ESRRG: variants seen among roughly 807,000 people sequenced by gnomAD.
ESRRG encodes the protein estrogen related receptor gamma.
ESRRG carries 13 observed loss-of-function variants against 44.0 expected under a neutral mutation model. The ratio of observed to expected loss-of-function variants is 0.30; its 90% CI spans 0.19 to 0.47. The LOEUF is 0.47. ESRRG is among the 20% of genes least tolerant of loss of function. The pLI is 1.00. For synonymous variants in ESRRG, 215 were observed against 214.6 expected (o/e 1.00, Z -0.02); for missense variants, 395 against 580.6 (o/e 0.68, Z 3.29).
At chr1:217,090,544 G>A (rs950541175), upstream of ESRRG, 1 of 152,192 alleles carries the variant, frequency 6.6e-6, no homozygotes, top group African/African-American at 2.4e-5. Flanking sequence ...CATTCCCGGT[G>A]TGTAGGCCTC....
At chr1:216,710,880 G>A (rs914490489) in intron 1 of ESRRG, among the ~76,000 whole-genome samples, 1 of 152,136 alleles carries the variant, frequency 6.6e-6, no homozygotes, top group Non-Finnish European at 1.5e-5. Context: ...CCACAGACAG[G>A]GGGGAAATGC....
rs114591430 is a variant in ESRRG at position 216,787,160 on chromosome 1, C to T, written c.-13-109669G>A. 2.1e-3 allele frequency among the ~76,000 whole-genome samples: 320 copies of T among 152,204 alleles called. 1 individual carries two copies. The highest frequency in any genetic ancestry group is 7.1e-3 in the African/African-American group (294 of 41,524). On this transcript the variant is annotated intron_variant, in intron 2 of 7. Coordinates refer to the ESRRG transcript ENST00000359162. The stretch of plus-strand genomic sequence containing the variant: ...CTGTTGTAATTGTTTTGGGGCACCA[C>T]GACCTGTGCCCATACAAGCCAGGAA...
chr1:216,527,056 T>C (rs987498730), intron 5 of ESRRG, among the ~76,000 whole-genome samples: 4 of 152,186 alleles, frequency 2.6e-5, no homozygotes, highest in African/African-American at 9.6e-5. Context: ...TTCAGTACCA[T>C]TGGAATATGC....
intron 1 of ESRRG, among the ~76,000 whole-genome samples, chr1:217,014,248 TGACA>T (rs1307273373): frequency 2.0e-5 from 3 of 152,138 alleles, no homozygotes; most frequent in Non-Finnish European, 4.4e-5. Context: ...GGGTGTTGAC[TGACA>T]GACAGGTTGC....
intron 2 of ESRRG, among the ~76,000 whole-genome samples, chr1:216,781,454 C>G (rs951588889): frequency 6.6e-6 from 1 of 152,008 alleles, no homozygotes; most frequent in African/African-American, 2.4e-5. Flanking sequence ...TTCTCAACAT[C>G]CAACAATGGA....
intron 3 of ESRRG, among the ~76,000 whole-genome samples, chr1:216,582,413 A>G (rs1404060557): frequency 6.6e-6 from 1 of 152,126 alleles, no homozygotes. Flanking sequence ...TCTTTTTGCC[A>G]AGTGAAATCT....
intron 3 of ESRRG, among the ~76,000 whole-genome samples, chr1:216,584,819 A>G (rs971676231): frequency 6.6e-6 from 1 of 152,186 alleles, no homozygotes; most frequent in South Asian, 2.1e-4. Context: ...AATTCCCTAT[A>G]TTTTCCTCCC....
chr1:216,890,940 C>T (rs538805239), intron 2 of ESRRG, among the ~76,000 whole-genome samples: 7 of 152,168 alleles, frequency 4.6e-5, no homozygotes, highest in Admixed American at 2.0e-4. Flanking sequence ...CCTGAACCTT[C>T]GAGTAATAAC....
intron 3 of ESRRG, among the ~76,000 whole-genome samples, chr1:216,618,149 AT>A (rs2061675554): frequency 6.6e-6 from 1 of 152,252 alleles, no homozygotes; most frequent in Non-Finnish European, 1.5e-5. Context: ...CAAATGCCCT[AT>A]TTACATATTT....
intron 1 of ESRRG, among the ~76,000 whole-genome samples, chr1:216,976,590 A>C (rs1236836484): frequency 6.6e-6 from 1 of 152,060 alleles, no homozygotes; most frequent in African/African-American, 2.4e-5. Context: ...AATGCTAAAC[A>C]CCTCTTAATT....
chr1:216,952,798 C>T (rs1318655022), intron 1 of ESRRG, among the ~76,000 whole-genome samples: 3 of 152,130 alleles, frequency 2.0e-5, no homozygotes, highest in Non-Finnish European at 4.4e-5. Context: ...ACATTTCCAA[C>T]TGAGCCCCCA....
At chr1:216,961,523 A>G (rs1436887) in intron 1 of ESRRG, among the ~76,000 whole-genome samples, 77,490 of 150,408 alleles carry the variant, frequency 0.52, 21,642 homozygotes, top group Middle Eastern at 0.7. Flanking sequence ...ATATTCCTAC[A>G]TTCCCTGACA....
intron 5 of ESRRG, among the ~76,000 whole-genome samples, chr1:216,550,942 A>G (rs892972267): frequency 1.3e-5 from 2 of 152,148 alleles, no homozygotes; most frequent in Non-Finnish European, 2.9e-5. Context: ...TCCACAGACT[A>G]TGGCTGATAA....
intron 2 of ESRRG, among the ~76,000 whole-genome samples, chr1:216,904,517 T>C (rs2059471322): frequency 6.6e-6 from 1 of 152,190 alleles, no homozygotes; most frequent in South Asian, 2.1e-4. Context: ...CCAAAGATAC[T>C]ATTTTTCCCC....
intron 3 of ESRRG, among the ~76,000 whole-genome samples, chr1:216,575,828 G>A (rs183720426): frequency 6.6e-6 from 1 of 152,206 alleles, no homozygotes; most frequent in Admixed American, 6.5e-5. Context: ...CCTGCATCAT[G>A]ATATGGGGCA....
At chr1:217,112,279 A>G (rs941047922) in intron 1 of ESRRG, among the ~76,000 whole-genome samples, 14 of 152,176 alleles carry the variant, frequency 9.2e-5, no homozygotes, top group African/African-American at 3.4e-4. Flanking sequence ...TTGTTATCAG[A>G]AAGGGATTCT....
intron 1 of ESRRG, among the ~76,000 whole-genome samples, chr1:217,040,250 A>G (rs1661329880): frequency 6.6e-6 from 1 of 152,164 alleles, no homozygotes; most frequent in Admixed American, 6.5e-5. Context: ...TGGACTGGTC[A>G]TGGAAGAAAA....
chr1:216,815,456 G>A lies in ESRRG; in HGVS notation c.-14+124126C>T, dbSNP rs796906171. On this transcript the variant is annotated intron_variant, in intron 2 of 7. Coordinates refer to the ESRRG transcript ENST00000359162. ...TAAATTGTTGGTTTGGCATTATCTG[G>A]AAGGGCTTTGTGGAGTGGGATATGC... 2.9e-4 allele frequency among the ~76,000 whole-genome samples: 44 copies of A among 152,322 alleles called. 1 individual carries two copies. Among genetic ancestry groups the A allele is most frequent in the African/African-American group, 1.0e-3 (42 of 41,580 alleles).
intron 2 of ESRRG, among the ~76,000 whole-genome samples, chr1:216,778,191 T>C (rs185643654): frequency 6.6e-6 from 1 of 152,014 alleles, no homozygotes; most frequent in Non-Finnish European, 1.5e-5. Context: ...TCCTAAGAAC[T>C]GAGTGGGGAG....
Sources: allele counts gnomAD v4.1 joint callset (sites outside exome capture counted in the v4.1 genomes callset), GRCh38; gene constraint gnomAD v4.1.1; transcripts MANE v1.5; gene names NCBI Gene and HGNC (gene_info 2026-07-23, HGNC 2026-07-21).